The following SMG7 variants were observed in gnomAD, a reference collection of about 807,000 sequenced individuals.
SMG7 encodes nonsense-mediated mRNA decay factor SMG7.
SMG7 carries 34 observed loss-of-function variants against 148.2 expected under a neutral mutation model. The observed-to-expected ratio is 0.23, with a 90% confidence interval of 0.17 to 0.31. The LOEUF is 0.31. SMG7 is among the 10% of genes least tolerant of loss of function. The pLI is 1.00. For synonymous variants in SMG7, 492 were observed against 515.1 expected, an observed-to-expected ratio of 0.96 and a Z score of 0.61; for missense variants, 1,114 against 1,408.4, an observed-to-expected ratio of 0.79 and a Z score of 3.35.
chr1:183,551,986 T>G lies in SMG7; in HGVS notation c.*55T>G. ...TCCATAAACCATGGCATGTTGGGTTTGCAGGACTGGCCCACACAGTCCCCT... is the reference window on the plus strand; with the variant it reads ...TCCATAAACCATGGCATGTTGGGTTGGCAGGACTGGCCCACACAGTCCCCT... On this transcript the variant is annotated 3_prime_UTR_variant, in exon 23 of 23. Transcript: ENST00000688051. 3 of 1,593,116 alleles carry G rather than the reference T, an allele frequency of 1.9e-6. No homozygotes were observed. Among genetic ancestry groups the G allele is most frequent in the Non-Finnish European group, 2.6e-6 (3 of 1,167,992 alleles).
intron 1 of SMG7, among the ~76,000 whole-genome samples, chr1:183,504,321 C>G (rs1660408244): frequency 6.8e-6 from 1 of 148,036 alleles, no homozygotes; most frequent in Non-Finnish European, 1.5e-5. Flanking sequence ...CTGTTGATAT[C>G]TTGATTTATT....
chr1:183,550,015 A>G, intron 20 of SMG7, 92 bp downstream of exon 20: 2 of 793,906 alleles, frequency 2.5e-6, no homozygotes, highest in Non-Finnish European at 1.9e-6. Context: ...CAAATATATC[A>G]TTTGTTGGGT....
chr1:183,526,635 C>T lies in SMG7; in HGVS notation c.352C>T (p.Pro118Ser). 1 of 1,613,146 alleles carries T rather than the reference C, an allele frequency of 6.2e-7. No individual in the cohort carries two copies. The highest frequency in any genetic ancestry group is 8.5e-7 in the Non-Finnish European group (1 of 1,179,362). ...GTGTACAGTATTTAATGTAGATTTACCATGCCGTGTGAAGTCTTCCCAATT... is the reference window on the plus strand; with the variant it reads ...GTGTACAGTATTTAATGTAGATTTATCATGCCGTGTGAAGTCTTCCCAATT... ...ELCTVFNVDL[P>S]CRVKSSQLGI... Residue 118 changes from proline to serine, a missense_variant, in exon 5 of 23, where the codon CCA becomes TCA. Transcript: ENST00000688051.
intron 4 of SMG7, 48 bp downstream of exon 4, chr1:183,517,868 T>G (rs1663896945): frequency 6.3e-7 from 1 of 1,592,600 alleles, no homozygotes; most frequent in African/African-American, 1.3e-5. Context: ...GTGGTAAATA[T>G]TCTGCTCTTT....
chr1:183,501,485 A>G (rs1659698236), intron 1 of SMG7, among the ~76,000 whole-genome samples: 2 of 152,220 alleles, frequency 1.3e-5, no homozygotes, highest in South Asian at 2.1e-4. Context: ...AATGTAAGCA[A>G]TTATCAATAG....
intron 1 of SMG7, chr1:183,472,971 G>T: frequency 2.8e-6 from 1 of 358,840 alleles, no homozygotes; most frequent in Non-Finnish European, 5.0e-6. Flanking sequence ...CCGGGGAGGC[G>T]GCGGCGACCC....
At chr1:183,504,557 T>C (rs1660473507) in intron 1 of SMG7, among the ~76,000 whole-genome samples, 1 of 152,154 alleles carries the variant, frequency 6.6e-6, no homozygotes, top group South Asian at 2.1e-4. Context: ...CAGGCTGGTC[T>C]CAAACTCCTG....
Position 183,527,846 on chromosome 1 carries a change from T to G in SMG7, c.485-110T>G, listed in dbSNP as rs972934940. 1.4e-5 allele frequency: 10 copies of G among 712,158 alleles called. No individual in the cohort carries two copies. In the Admixed American group the frequency reaches 2.0e-4, roughly 14 times the overall value. The allele number at this position is 712,158 out of a possible 1,614,324, so 44.1% of individuals were successfully genotyped here. On this transcript the variant is annotated intron_variant, in intron 5 of 22. Transcript: ENST00000688051. This position sits in a 1 kb window ranked among gnomAD's most constrained non-coding sequence, Gnocchi z 4.0. ...AAAGTATTTTGTCTTTAATTTTAAA[T>G]TAACTTTAATGTCTTTATTATCTTT...
At position 183,553,356 on chromosome 1, in the gene SMG7, G is replaced by A; in HGVS notation, c.*1425G>A. ...TAATTGTTCAATTGCTGTGCTAGTG[G>A]TAGGGTTTATTTTCTGGGAGGTCTC... On this transcript the variant is annotated 3_prime_UTR_variant, in exon 23 of 23. Coordinates refer to ENST00000688051, the MANE Select transcript of SMG7 (RefSeq NM_001375584.1). 7.2e-6 allele frequency: 6 copies of A among 837,146 alleles called. No homozygotes were observed. The South Asian group carries it at 1.1e-4, about 15-fold the overall frequency. 51.9% of individuals were successfully genotyped at this position (837,146 alleles called of 1,614,324 possible). A position where few individuals can be genotyped will look rare whatever the true frequency, so the allele number is the denominator to read the frequency against.
chr1:183,515,926 C>T lies in SMG7; in HGVS notation c.114C>T (p.Asp38=), dbSNP rs374677735. Reference sequence around the variant, plus strand: ...GGACATCCAGGCAGGCTCTGCAGGACCTGTACCAGAAAATGCTAGTTACCG... The same window carrying T: ...GGACATCCAGGCAGGCTCTGCAGGATCTGTACCAGAAAATGCTAGTTACCG... ...EVWTSRQALQ[D]LYQKMLVTDL... is the part of the protein sequence containing the mutation. Residue 38 remains aspartate, a synonymous_variant, in exon 3 of 23, where the codon GAC becomes GAT. Transcript: ENST00000688051. 1.4e-5 allele frequency: 22 copies of T among 1,613,442 alleles called. No individual in the cohort carries two copies. In the Admixed American group the frequency reaches 1.5e-4, roughly 11 times the overall value.
Position 183,476,509 on chromosome 1 carries a change from G to A in SMG7, c.29+3860G>A, listed in dbSNP as rs550129939. On this transcript the variant is annotated intron_variant, in intron 1 of 22. Transcript: ENST00000688051. ...TCAGAAGGGTCAGAAATGAAGATAGGAGGCAAGAAGTCCCAGTAAGACCAA... is the reference window on the plus strand; with the variant it reads ...TCAGAAGGGTCAGAAATGAAGATAGAAGGCAAGAAGTCCCAGTAAGACCAA... Among the ~76,000 whole-genome samples, 4 of 152,266 alleles carry A rather than the reference G, an allele frequency of 2.6e-5. No homozygotes were observed. In the East Asian group the frequency reaches 7.7e-4, roughly 29 times the overall value.
chr1:183,541,890 A>G (rs1668940160), intron 13 of SMG7, among the ~76,000 whole-genome samples, 186 bp from the exon 14 acceptor site: 1 of 152,212 alleles, frequency 6.6e-6, no homozygotes, highest in African/African-American at 2.4e-5. Flanking sequence ...GACGATGTTA[A>G]GTGTGATAAT....
At position 183,549,216 on chromosome 1, in the gene SMG7, A is replaced by G. The variant is rs144810326; in HGVS notation, c.2901A>G (p.Leu967=). The G allele has an allele frequency of 3.4e-4, 556 of 1,612,564 alleles. 4 individuals carry two copies. In the East Asian group the frequency reaches 4.5e-3, roughly 13 times the overall value. The change falls in exon 19 of 23, where the codon TTA becomes TTG. Residue 967 remains leucine, a synonymous_variant. Transcript: ENST00000688051. The part of the protein sequence containing the change: ...SLPGRSLFKS[L]LEKPSELMSH... ...TTTCTGGGACTGTGAAGAAATCCTTATTGGAGAAGCCCTCAGAGCTCATGT... is the reference window on the plus strand; with the variant it reads ...TTTCTGGGACTGTGAAGAAATCCTTGTTGGAGAAGCCCTCAGAGCTCATGT...
At chr1:183,524,565 G>C (rs780723955) in intron 4 of SMG7, among the ~76,000 whole-genome samples, 1 of 152,132 alleles carries the variant, frequency 6.6e-6, no homozygotes, top group African/African-American at 2.4e-5. Context: ...TTAGGAAAAA[G>C]GTGGCATGAT....
chr1:183,547,238 G>A lies in SMG7; in HGVS notation c.2878G>A (p.Gly960Arg). Residue 960 changes from glycine (G) to arginine (R), a missense_variant, in exon 18 of 23, where the codon GGA (glycine) becomes AGA (arginine). Gly to Arg is a moderately radical substitution (Grantham distance 125). This residue lies in a region of SMG7 where 788 missense variants were observed against 894.5 expected (regional missense o/e 0.88). Transcript: ENST00000688051. ...GCTGGGGCCTCTCGCCTCTCTTCCT[G>A]GACGAAGCCTTTTTGTATGTATTTG... ...ALLGPLASLPGRSLFKSLLEK... is the reference protein window; with the variant it reads ...ALLGPLASLPRRSLFKSLLEK... 1 of 1,549,618 alleles carries A rather than the reference G, an allele frequency of 6.5e-7. No individual in the cohort carries two copies. The highest frequency in any genetic ancestry group is 8.7e-7 in the Non-Finnish European group (1 of 1,146,682).
intron 1 of SMG7, among the ~76,000 whole-genome samples, chr1:183,479,533 C>T (rs1653540703): frequency 6.6e-6 from 1 of 152,060 alleles, no homozygotes; most frequent in Admixed American, 6.5e-5. Context: ...TCCTCTAAGC[C>T]ACAGATTGGA....
Position 183,523,975 on chromosome 1 carries a change from A to AT in SMG7, c.313-2613dup, listed in dbSNP as rs542829681. The stretch of plus-strand genomic sequence containing the variant: ...GGTATATATATATTTACATATATAT[A>AT]TTTTTTTTGTTCCTGCCCTGTGCCT... On this transcript the variant is annotated intron_variant, in intron 4 of 22. Transcript: ENST00000688051. Among the ~76,000 whole-genome samples the AT allele has an allele frequency of 5.5e-4, 82 of 149,462 alleles. 1 individual carries two copies. The South Asian group carries it at 0.012, about 22-fold the overall frequency.
intron 6 of SMG7, 142 bp from the exon 7 acceptor site, chr1:183,528,750 G>A (rs2102598448): frequency 4.4e-6 from 3 of 684,854 alleles, no homozygotes; most frequent in South Asian, 3.8e-5. Flanking sequence ...TGGACCTTAC[G>A]CTGGTTTGCA....
intron 20 of SMG7, 28 bp downstream of exon 20, chr1:183,549,951 C>G (rs760786081): frequency 4.6e-6 from 7 of 1,536,550 alleles, no homozygotes; most frequent in Admixed American, 3.4e-5. Context: ...AATTATAGAC[C>G]TTACATTTCC....
Sources: allele counts gnomAD v4.1 joint callset (sites outside exome capture counted in the v4.1 genomes callset), GRCh38; gene constraint gnomAD v4.1.1; regional missense constraint gnomAD v4.1.1; non-coding constraint Gnocchi (gnomAD v3.1); transcripts MANE v1.5; gene names NCBI Gene and HGNC (gene_info 2026-07-23, HGNC 2026-07-21).